Variants in ZFHX3 observed in about 807,000 individuals in gnomAD.
ZFHX3 encodes the protein zinc finger homeobox 3.
Under a neutral mutation model 279.1 loss-of-function variants are expected in ZFHX3, and 42 were observed. The ratio of observed to expected loss-of-function variants is 0.15; its 90% CI spans 0.12 to 0.19. ZFHX3 has a LOEUF of 0.19. ZFHX3 is among the 10% of genes least tolerant of loss of function. The pLI is 1.00. For synonymous variants in ZFHX3, 2,293 were observed against 1,957.8 expected, an observed-to-expected ratio of 1.17 and a Z score of -4.52; for missense variants, 4,981 against 4,754.0, an observed-to-expected ratio of 1.05 and a Z score of -1.40.
intron 2 of ZFHX3, among the ~76,000 whole-genome samples, chr16:73,610,848 T>C (rs1189713555): frequency 6.6e-6 from 1 of 152,210 alleles, no homozygotes; most frequent in Admixed American, 6.5e-5. Flanking sequence ...AGATTCTAAA[T>C]TCAAAGGATT....
chr16:73,287,637 T>G, intron 4 of ZFHX3, among the ~76,000 whole-genome samples: 1 of 146,922 alleles, frequency 6.8e-6, no homozygotes, highest in East Asian at 2.0e-4. Context: ...TGTGGATTGG[T>G]GTGTGGCTGT....
chr16:73,650,627 A>G (rs80096676), intron 2 of ZFHX3, among the ~76,000 whole-genome samples: 10,975 of 152,272 alleles, frequency 0.072, 704 homozygotes, highest in Admixed American at 0.19. Flanking sequence ...CTTTGGATGG[A>G]TAATTTTGCC....
At chr16:73,228,242 T>C (rs949669486) in intron 5 of ZFHX3, among the ~76,000 whole-genome samples, 8 of 152,196 alleles carry the variant, frequency 5.3e-5, no homozygotes, top group African/African-American at 1.9e-4. Context: ...CAAGGGCCCC[T>C]TCCTTTCTAA....
At chr16:72,938,672 A>G (rs1394603901) in intron 3 of ZFHX3, among the ~76,000 whole-genome samples, 4 of 152,210 alleles carry the variant, frequency 2.6e-5, no homozygotes, top group Non-Finnish European at 5.9e-5. Context: ...GGATAACCCC[A>G]AAGCACTAAA....
chr16:73,031,226 C>T (rs926213007), intron 1 of ZFHX3, among the ~76,000 whole-genome samples: 13 of 152,266 alleles, frequency 8.5e-5, no homozygotes, highest in Admixed American at 2.0e-4. Context: ...AATTAATCTT[C>T]GTTTGAAAAT....
chr16:73,268,491 G>A (rs1210953205), intron 4 of ZFHX3, among the ~76,000 whole-genome samples: 6 of 152,192 alleles, frequency 3.9e-5, no homozygotes, highest in Admixed American at 1.3e-4. Context: ...CGCTGCGCCC[G>A]ACGCAGGGCA....
intron 5 of ZFHX3, among the ~76,000 whole-genome samples, chr16:73,196,144 G>C (rs1256232563): frequency 7.9e-6 from 1 of 127,022 alleles, no homozygotes; most frequent in East Asian, 2.3e-4. Context: ...TGTTTCTCTT[G>C]AAATAGTTTT....
chr16:72,874,690 C>CG (rs989279923), intron 4 of ZFHX3, among the ~76,000 whole-genome samples: 3 of 150,996 alleles, frequency 2.0e-5, no homozygotes, highest in African/African-American at 7.3e-5. Context: ...GACAGGGTCT[C>CG]GCTGTGTTGC....
chr16:73,287,512 ATGTGTGCATGT>A (rs1172323362), intron 4 of ZFHX3, among the ~76,000 whole-genome samples: 5 of 53,360 alleles, frequency 9.4e-5, no homozygotes, highest in East Asian at 6.2e-4. Flanking sequence ...ATGTGGGGTG[ATGTGTGCATGT>A]GTGGCTGTGT....
At chr16:73,866,523 T>A (rs1410161881) in intron 1 of ZFHX3, among the ~76,000 whole-genome samples, 2 of 152,182 alleles carry the variant, frequency 1.3e-5, no homozygotes, top group Non-Finnish European at 2.9e-5. Flanking sequence ...TGAAAACTCA[T>A]GAAAAGTCCA....
intron 3 of ZFHX3, among the ~76,000 whole-genome samples, chr16:73,451,972 G>C (rs570422616): frequency 6.6e-6 from 1 of 152,156 alleles, no homozygotes; most frequent in Non-Finnish European, 1.5e-5. Flanking sequence ...ATCATTTGGA[G>C]AGATGAGGGC....
intron 2 of ZFHX3, among the ~76,000 whole-genome samples, chr16:73,583,083 T>C (rs962490112): frequency 6.6e-6 from 1 of 152,182 alleles, no homozygotes; most frequent in African/African-American, 2.4e-5. Context: ...AAACCACAGC[T>C]TTCCCAGCTA....
intron 4 of ZFHX3, among the ~76,000 whole-genome samples, chr16:72,841,727 G>T (rs1216303424): frequency 1.3e-5 from 2 of 152,134 alleles, no homozygotes; most frequent in African/African-American, 4.8e-5. Context: ...TTTTCCTCCT[G>T]TGAGGTGTTT....
intron 3 of ZFHX3, among the ~76,000 whole-genome samples, chr16:73,416,133 A>AC (rs1781300939): frequency 6.6e-6 from 1 of 151,226 alleles, no homozygotes; most frequent in African/African-American, 2.4e-5. Flanking sequence ...AAAAAAAAAA[A>AC]AAAAACAAAA....
intron 2 of ZFHX3, among the ~76,000 whole-genome samples, chr16:73,663,096 G>T (rs368411065): frequency 2.7e-4 from 41 of 152,216 alleles, no homozygotes; most frequent in Non-Finnish European, 5.0e-4. Flanking sequence ...AAAGAGGTTG[G>T]GTTGAGTGGG....
intron 8 of ZFHX3, among the ~76,000 whole-genome samples, chr16:73,083,135 A>G (rs770369357): frequency 9.2e-5 from 14 of 152,098 alleles, no homozygotes; most frequent in Non-Finnish European, 2.1e-4. Flanking sequence ...CCCAGGAGGT[A>G]GAGGTTGCAG....
At chr16:73,776,872 T>C (rs1009419750) in intron 1 of ZFHX3, among the ~76,000 whole-genome samples, 1 of 152,114 alleles carries the variant, frequency 6.6e-6, no homozygotes, top group Non-Finnish European at 1.5e-5. Flanking sequence ...ATATAAGCAA[T>C]CAGTACGGCC....
intron 3 of ZFHX3, among the ~76,000 whole-genome samples, chr16:73,381,732 C>T (rs972441606): frequency 2.0e-5 from 3 of 152,120 alleles, no homozygotes; most frequent in Admixed American, 2.0e-4. Context: ...CCACACAAAA[C>T]ATATACTAAC....
At chr16:73,704,022 G>A (rs2053278415) in intron 1 of ZFHX3, among the ~76,000 whole-genome samples, 2 of 152,148 alleles carry the variant, frequency 1.3e-5, no homozygotes, top group African/African-American at 4.8e-5. Flanking sequence ...GTAGACATCT[G>A]TAGATGTGAA....
Sources: gnomAD v4.1 joint callset for allele counts (sites outside exome capture counted in the v4.1 genomes callset) on GRCh38, gnomAD v4.1.1 for gene constraint, MANE v1.5 for transcripts, NCBI Gene and HGNC (gene_info 2026-07-23, HGNC 2026-07-21) for gene names.